GATM: variants seen among roughly 807,000 people sequenced by gnomAD.
GATM encodes glycine amidinotransferase.
A neutral mutation model predicts 54.2 loss-of-function variants in GATM; 23 were observed. The observed-to-expected ratio is 0.42, with a 90% confidence interval of 0.31 to 0.60. The LOEUF (loss-of-function observed/expected upper bound fraction) is 0.60. GATM is among the 20% of genes least tolerant of loss of function. The pLI is 0.14. For synonymous variants in GATM, 168 were observed against 183.1 expected (o/e 0.92, Z 0.67); for missense variants, 401 against 544.9 (o/e 0.74, Z 2.63).
intron 3 of GATM, among the ~76,000 whole-genome samples, chr15:45,385,700 T>C (rs776356811): frequency 1.3e-5 from 2 of 152,212 alleles, no homozygotes; most frequent in Admixed American, 6.5e-5. Context: ...TCTCTGTATA[T>C]AGTAAGCAAT....
intron 3 of GATM, among the ~76,000 whole-genome samples, chr15:45,389,883 A>G (rs1429816742): frequency 2.0e-5 from 3 of 151,208 alleles, no homozygotes; most frequent in Admixed American, 6.6e-5. Context: ...TTTTGGAGAC[A>G]GAGTCTCACA....
chr15:45,398,910 A>C (rs1464419933), intron 2 of GATM, among the ~76,000 whole-genome samples: 1 of 152,162 alleles, frequency 6.6e-6, no homozygotes, highest in Non-Finnish European at 1.5e-5. Context: ...TGCTGAAGGG[A>C]CAAAAATATT....
intron 2 of GATM, among the ~76,000 whole-genome samples, chr15:45,375,993 G>A (rs549867143): frequency 6.6e-6 from 1 of 152,286 alleles, no homozygotes; most frequent in Non-Finnish European, 1.5e-5. Context: ...AGAGGAATGA[G>A]GCAAGATTCA....
chr15:45,367,391 C>A (rs1409637935), intron 4 of GATM, among the ~76,000 whole-genome samples: 1 of 150,990 alleles, frequency 6.6e-6, no homozygotes, highest in African/African-American at 2.4e-5. Flanking sequence ...TGAGAATATT[C>A]CATGAACCGT....
At chr15:45,377,798 GCTTACAGGCTGCA>G (rs1889664926) in intron 1 of GATM, 1 of 156,090 alleles carries the variant, frequency 6.4e-6, no homozygotes, top group Non-Finnish European at 1.4e-5. Flanking sequence ...CAGAAACTCT[GCTTACAGGCTGCA>G]CTCGCCCCGA....
chr15:45,389,140 C>A (rs1145080), intron 3 of GATM, among the ~76,000 whole-genome samples: 1 of 152,080 alleles, frequency 6.6e-6, no homozygotes, highest in Non-Finnish European at 1.5e-5. Context: ...ACTTTCCAGA[C>A]AACTGAAGCT....
intron 8 of GATM, among the ~76,000 whole-genome samples, chr15:45,363,017 T>C (rs1294855071): frequency 6.6e-6 from 1 of 152,132 alleles, no homozygotes; most frequent in African/African-American, 2.4e-5. Flanking sequence ...GCATGGTAGC[T>C]CACACCCATA....
rs1204672868 is a variant in GATM at position 45,366,364 on chromosome 15, C to T, written c.813+7G>A. ...AGTGTGAAATTTCAGAGGCAGCCTG[C>T]GTTCACCTGGCTTCTCTGTGCAAAA... On this transcript the variant is annotated splice_region_variant and intron_variant, in intron 5 of 8. Coordinates refer to ENST00000396659, the MANE Select transcript of GATM (RefSeq NM_001482.3). 1.2e-5 allele frequency: 20 copies of T among 1,613,856 alleles called. No individual in the cohort carries two copies. Among genetic ancestry groups the T allele is most frequent in the East Asian group, 2.2e-5 (1 of 44,894 alleles).
chr15:45,390,762 G>T (rs1022350218), intron 3 of GATM, among the ~76,000 whole-genome samples: 6 of 152,194 alleles, frequency 3.9e-5, no homozygotes, highest in Non-Finnish European at 7.3e-5. Flanking sequence ...AATATAAAAT[G>T]AAGTATATGA....
At chr15:45,364,554 T>G in intron 7 of GATM, 1 of 448,338 alleles carries the variant, frequency 2.2e-6, no homozygotes, top group Non-Finnish European at 4.1e-6. Flanking sequence ...AAAAAAGTCA[T>G]ATCTTGCTTT....
In GATM at chr15:45,369,527, A is replaced by G. The variant is rs1406414864; in HGVS notation, c.289-6T>C. 6.2e-7 allele frequency: 1 copy of G among 1,613,148 alleles called. No homozygotes were observed. Among genetic ancestry groups the G allele is most frequent in the Non-Finnish European group, 8.5e-7 (1 of 1,179,256 alleles). On this transcript the variant is annotated splice_region_variant and splice_polypyrimidine_tract_variant and intron_variant, in intron 2 of 8. Transcript: ENST00000396659. ...TACTTTTCATATGTGTTGGCCTGGA[A>G]GTAGAAGCAAATAAACACAATACTT...
At chr15:45,362,793 AG>A (rs1889384333) in intron 8 of GATM, among the ~76,000 whole-genome samples, 2 of 152,238 alleles carry the variant, frequency 1.3e-5, no homozygotes, top group Non-Finnish European at 2.9e-5. Context: ...TGTAATGACA[AG>A]GCTATGATGT....
At chr15:45,362,415 G>T (rs966529099) in intron 8 of GATM, among the ~76,000 whole-genome samples, 194 bp from the exon 9 acceptor site, 1 of 152,140 alleles carries the variant, frequency 6.6e-6, no homozygotes, top group Admixed American at 6.6e-5. Context: ...TCTCCAAAAA[G>T]TCAACAGAGA....
intron 3 of GATM, among the ~76,000 whole-genome samples, chr15:45,391,266 G>C (rs1337019775): frequency 8.8e-6 from 1 of 113,770 alleles, no homozygotes; most frequent in African/African-American, 5.7e-5. Context: ...AAAAAAAAAA[G>C]CTGGGCATGG....
At chr15:45,389,912 T>G (rs1889849898) in intron 3 of GATM, among the ~76,000 whole-genome samples, 1 of 151,916 alleles carries the variant, frequency 6.6e-6, no homozygotes, top group African/African-American at 2.4e-5. Context: ...CAGGATGGAG[T>G]GCAGTGGCGT....
intron 3 of GATM, chr15:45,396,274 G>A (rs1889929047): frequency 6.6e-6 from 1 of 152,162 alleles, no homozygotes; most frequent in Non-Finnish European, 1.5e-5. Context: ...ACAATACTGG[G>A]TCAATGCTTA....
intron 3 of GATM, among the ~76,000 whole-genome samples, chr15:45,389,563 T>C (rs1145079): frequency 0.46 from 70,176 of 152,078 alleles, 20,533 homozygotes; most frequent in East Asian, 0.84. Flanking sequence ...CCCACCTCAG[T>C]CACCTGAATA....
intron 6 of GATM, 92 bp downstream of exon 6, chr15:45,365,954 A>G (rs1294805594): frequency 1.7e-6 from 2 of 1,204,568 alleles, no homozygotes; most frequent in African/African-American, 3.0e-5. Flanking sequence ...ATTTAGAACC[A>G]TTAGGAACCA....
upstream of GATM, among the ~76,000 whole-genome samples, chr15:45,381,668 T>C (rs184931492): frequency 1.4e-4 from 21 of 152,324 alleles, no homozygotes; most frequent in African/African-American, 4.8e-4. Context: ...CACACACATA[T>C]ACACACAGAT....
Sources: gnomAD v4.1 joint callset for allele counts (sites outside exome capture counted in the v4.1 genomes callset) on GRCh38, gnomAD v4.1.1 for gene constraint, MANE v1.5 for transcripts, NCBI Gene and HGNC (gene_info 2026-07-23, HGNC 2026-07-21) for gene names.